NSD1: variants seen among roughly 807,000 people sequenced by gnomAD.
NSD1 encodes the protein histone-lysine N-methyltransferase, H3 lysine-36 specific.
A neutral mutation model predicts 242.7 loss-of-function variants in NSD1; 26 were observed. That is an observed-to-expected ratio of 0.11 (90% CI 0.08 to 0.15). NSD1 has a LOEUF of 0.15. NSD1 is among the 10% of genes least tolerant of loss of function. NSD1 has a pLI of 1.00. For missense variants in NSD1, 2,495 were observed against 3,272.8 expected (o/e 0.76, Z 5.80); for synonymous variants, 1,106 against 1,178.1 (o/e 0.94, Z 1.25).
chr5:177,266,465 A>G, intron 14 of NSD1: 1 of 619,350 alleles, frequency 1.6e-6, no homozygotes, highest in South Asian at 1.6e-5. Flanking sequence ...GAGTTGCCGA[A>G]GTGGGCGTAG....
intron 11 of NSD1, among the ~76,000 whole-genome samples, chr5:177,250,745 C>A (rs1006621791): frequency 6.6e-6 from 1 of 152,164 alleles, no homozygotes; most frequent in African/African-American, 2.4e-5. Flanking sequence ...TTCCAGGCTA[C>A]CTCTCTAACC....
intron 2 of NSD1, among the ~76,000 whole-genome samples, chr5:177,143,575 C>T (rs1318756472): frequency 6.6e-6 from 1 of 152,084 alleles, no homozygotes; most frequent in African/African-American, 2.4e-5. Context: ...CTGCCTCAGC[C>T]TCCCAAAGTG....
intron 5 of NSD1, among the ~76,000 whole-genome samples, chr5:177,215,271 C>G (rs894900374): frequency 4.6e-5 from 7 of 151,910 alleles, no homozygotes. Context: ...CCTCTGCCTC[C>G]TGGGCTCAAG....
At chr5:177,219,545 A>G (rs929466927) in intron 5 of NSD1, among the ~76,000 whole-genome samples, 1 of 152,124 alleles carries the variant, frequency 6.6e-6, no homozygotes, top group Non-Finnish European at 1.5e-5. Context: ...TGATTGTTCA[A>G]GAGTTTGTTG....
At chr5:177,283,682 A>G in intron 19 of NSD1, 105 bp from the exon 20 acceptor site, 1 of 1,279,168 alleles carries the variant, frequency 7.8e-7, no homozygotes, top group Non-Finnish European at 1.1e-6. Flanking sequence ...TGAGAGGTTC[A>G]GTCTTTACAA....
In NSD1 at chr5:177,294,255, T is replaced by C. The variant is rs754309202; in HGVS notation, c.6887T>C (p.Val2296Ala). 1.4e-5 allele frequency: 23 copies of C among 1,613,316 alleles called. No homozygotes were observed. The highest frequency in any genetic ancestry group is 6.7e-5 in the Admixed American group (4 of 59,974). Reference protein sequence around the residue: ...TDSRPQPLDKVRDLAGSGTKS... With the variant: ...TDSRPQPLDKARDLAGSGTKS... Reference sequence around the variant, plus strand: ...TCCAGGCCCCAGCCTTTAGATAAGGTCAGAGACCTCGCTGGGTCAGGGACC... The same window carrying C: ...TCCAGGCCCCAGCCTTTAGATAAGGCCAGAGACCTCGCTGGGTCAGGGACC... The change falls in exon 23 of 23, where the codon GTC becomes GCC. Residue 2296 changes from valine to alanine, a missense_variant. Physicochemically the swap from Val to Ala is moderately conservative, Grantham distance 64 (BLOSUM62 0). This residue lies in a region of NSD1 where 475 missense variants were observed against 563.7 expected (regional missense o/e 0.84). Transcript: ENST00000439151.
intron 3 of NSD1, among the ~76,000 whole-genome samples, chr5:177,198,067 T>C (rs1762238969): frequency 6.6e-6 from 1 of 152,146 alleles, no homozygotes; most frequent in Admixed American, 6.6e-5. Flanking sequence ...TGGAGTGCAG[T>C]GGCACAATTA....
chr5:177,136,193 A>G (rs1756315726), intron 2 of NSD1, 163 bp downstream of exon 2: 1 of 636,434 alleles, frequency 1.6e-6, no homozygotes, highest in Non-Finnish European at 2.8e-6. Context: ...TGATTTTTAA[A>G]TTTATCTCTG....
chr5:177,190,007 G>A (rs927539338), intron 2 of NSD1, among the ~76,000 whole-genome samples: 1 of 152,138 alleles, frequency 6.6e-6, no homozygotes, highest in African/African-American at 2.4e-5. Flanking sequence ...GCACAGGCTG[G>A]AGTGCAGTGG....
intron 8 of NSD1, among the ~76,000 whole-genome samples, chr5:177,241,768 A>T (rs1477164034): frequency 2.0e-5 from 3 of 152,074 alleles, no homozygotes; most frequent in Non-Finnish European, 4.4e-5. Context: ...GGCCTACTTC[A>T]TTGTTGAAGT....
Position 177,148,727 on chromosome 5 carries a change from A to G in NSD1, c.927+12697A>G, listed in dbSNP as rs188075698. On this transcript the variant is annotated intron_variant, in intron 2 of 22. Coordinates refer to ENST00000439151, the MANE Select transcript of NSD1 (RefSeq NM_022455.5). ...AGGTGTGAGCCACCACGCCTGGCCC[A>G]ATGTTCAGTTTTATAAGAAACTACC... Among the ~76,000 whole-genome samples, 163 of 152,134 alleles carry G rather than the reference A, an allele frequency of 1.1e-3. 2 individuals carry two copies. Among genetic ancestry groups the G allele is most frequent in the Admixed American group, 9.6e-3 (147 of 15,248 alleles).
At chr5:177,209,238 T>A (rs1477080383) in intron 4 of NSD1, among the ~76,000 whole-genome samples, 12 of 151,888 alleles carry the variant, frequency 7.9e-5, no homozygotes, top group Non-Finnish European at 1.6e-4. Context: ...TAAAAGCTTC[T>A]GATTTCAGGC....
At chr5:177,138,323 T>G (rs1432777402) in intron 2 of NSD1, among the ~76,000 whole-genome samples, 1 of 152,076 alleles carries the variant, frequency 6.6e-6, no homozygotes, top group Non-Finnish European at 1.5e-5. Flanking sequence ...TGGCGCGATC[T>G]CAGCTCACTT....
intron 2 of NSD1, among the ~76,000 whole-genome samples, chr5:177,168,548 C>T (rs1759405323): frequency 6.6e-6 from 1 of 151,706 alleles, no homozygotes; most frequent in African/African-American, 2.4e-5. Context: ...CAGCCTCTGC[C>T]TCCCGGGTTC....
At chr5:177,275,250 C>A (rs1443483439) in intron 17 of NSD1, among the ~76,000 whole-genome samples, 1 of 151,706 alleles carries the variant, frequency 6.6e-6, no homozygotes, top group African/African-American at 2.4e-5. Flanking sequence ...CCTTCAAGAT[C>A]GTGTCTCCAG....
intron 21 of NSD1, among the ~76,000 whole-genome samples, chr5:177,291,153 C>T (rs1419732059): frequency 6.6e-6 from 1 of 152,224 alleles, no homozygotes; most frequent in Non-Finnish European, 1.5e-5. Context: ...CTGCTGGCTG[C>T]TCCAGGGTCT....
chr5:177,290,408 ATTT>A (rs573014778), intron 21 of NSD1, among the ~76,000 whole-genome samples: 13 of 139,314 alleles, frequency 9.3e-5, no homozygotes, highest in African/African-American at 2.4e-4. Context: ...GAGTAAATAA[ATTT>A]TTTTTTTTTT....
intron 16 of NSD1, among the ~76,000 whole-genome samples, chr5:177,270,289 G>T (rs778132123): frequency 3.9e-5 from 6 of 152,164 alleles, no homozygotes; most frequent in Non-Finnish European, 5.9e-5. Context: ...TTTGTAAACT[G>T]GCCTAGCAAT....
intron 21 of NSD1, among the ~76,000 whole-genome samples, chr5:177,291,708 A>G (rs1759843467): frequency 6.6e-6 from 1 of 152,202 alleles, no homozygotes; most frequent in Non-Finnish European, 1.5e-5. Context: ...GTCATTTAAC[A>G]CCAGCCTTAT....
Sources: allele counts gnomAD v4.1 joint callset (sites outside exome capture counted in the v4.1 genomes callset), GRCh38; gene constraint gnomAD v4.1.1; regional missense constraint gnomAD v4.1.1; transcripts MANE v1.5; gene names NCBI Gene and HGNC (gene_info 2026-07-23, HGNC 2026-07-21).